Variants in PPP1R9A observed in about 807,000 individuals in gnomAD.
PPP1R9A encodes the protein neurabin-1.
PPP1R9A carries 59 observed loss-of-function variants against 141.9 expected under a neutral mutation model. The ratio of observed to expected loss-of-function variants is 0.42; its 90% CI spans 0.34 to 0.52. PPP1R9A has a LOEUF of 0.52. PPP1R9A is among the 20% of genes least tolerant of loss of function. The probability of loss-of-function intolerance (pLI) is 0.10; values close to 1 mark genes in which losing one functional copy is unlikely to be tolerated. For synonymous variants in PPP1R9A, 500 were observed against 569.7 expected, an observed-to-expected ratio of 0.88 and a Z score of 1.74; for missense variants, 1,444 against 1,611.9, an observed-to-expected ratio of 0.90 and a Z score of 1.78.
chr7:95,012,996 T>C (rs955837308), intron 2 of PPP1R9A, among the ~76,000 whole-genome samples: 2 of 152,054 alleles, frequency 1.3e-5, no homozygotes, highest in Non-Finnish European at 2.9e-5. Context: ...ATGTAGTAGG[T>C]TTTATTGAAG....
At chr7:95,160,113 A>G (rs1201890992) in intron 4 of PPP1R9A, among the ~76,000 whole-genome samples, 1 of 151,906 alleles carries the variant, frequency 6.6e-6, no homozygotes, top group Non-Finnish European at 1.5e-5. Context: ...TAGAAATGTA[A>G]AAGTATTATA....
chr7:94,940,357 AT>A (rs559142311), intron 2 of PPP1R9A, among the ~76,000 whole-genome samples: 2 of 150,754 alleles, frequency 1.3e-5, no homozygotes, highest in African/African-American at 2.4e-5. Context: ...TTTTCTTTTA[AT>A]TTTTTTTTAA....
At chr7:95,138,528 C>CT (rs1327326559) in intron 4 of PPP1R9A, among the ~76,000 whole-genome samples, 4 of 152,088 alleles carry the variant, frequency 2.6e-5, no homozygotes, top group African/African-American at 4.8e-5. Flanking sequence ...AGAAATTGAA[C>CT]TTCATTATAT....
chr7:95,257,831 G>A (rs1585498485), intron 12 of PPP1R9A, among the ~76,000 whole-genome samples: 1 of 151,994 alleles, frequency 6.6e-6, no homozygotes, highest in Admixed American at 6.6e-5. Context: ...CCATGTCCCT[G>A]CAAAGGACAT....
intron 2 of PPP1R9A, among the ~76,000 whole-genome samples, chr7:94,942,595 G>C (rs1373721130): frequency 6.6e-6 from 1 of 152,036 alleles, no homozygotes; most frequent in Non-Finnish European, 1.5e-5. Context: ...CTGAAGTCAG[G>C]AGTTCGAGGC....
At chr7:95,056,066 C>G (rs1049538725) in intron 2 of PPP1R9A, among the ~76,000 whole-genome samples, 1 of 152,070 alleles carries the variant, frequency 6.6e-6, no homozygotes, top group Non-Finnish European at 1.5e-5. Context: ...AGGCAAGACT[C>G]ATGTCTCATA....
In PPP1R9A at chr7:94,910,790, A is replaced by G. The variant is rs967746887; in HGVS notation, c.677A>G (p.Asn226Ser). 3.1e-6 allele frequency: 5 copies of G among 1,614,004 alleles called. No homozygotes were observed. Among genetic ancestry groups the G allele is most frequent in the Non-Finnish European group, 4.2e-6 (5 of 1,179,986 alleles). Residue 226 changes from asparagine (N) to serine (S), a missense_variant, in exon 2 of 20, where the codon AAT becomes AGT. Asn to Ser is a conservative substitution (Grantham distance 46). Around this residue, in one of 5 missense-constraint regions of PPP1R9A, gnomAD observed 490 missense variants for 521.1 expected, o/e 0.94. Coordinates refer to ENST00000433360, the MANE Select transcript of PPP1R9A (RefSeq NM_001166160.2). This position sits in a 1 kb window ranked among gnomAD's most constrained non-coding sequence, Gnocchi z 4.5. ...SAIISEKAENNEYSVTGHYPL... is the reference protein window; with the variant it reads ...SAIISEKAENSEYSVTGHYPL... ...ATCATTTCTGAGAAGGCTGAAAACAATGAATACTCAGTGACTGGGCATTAT... is the reference window on the plus strand; with the variant it reads ...ATCATTTCTGAGAAGGCTGAAAACAGTGAATACTCAGTGACTGGGCATTAT...
At chr7:94,998,609 C>G (rs1468398251) in intron 2 of PPP1R9A, among the ~76,000 whole-genome samples, 1 of 152,122 alleles carries the variant, frequency 6.6e-6, no homozygotes, top group Non-Finnish European at 1.5e-5. Context: ...CACATGGGCT[C>G]TGTTGTAACT....
intron 5 of PPP1R9A, among the ~76,000 whole-genome samples, chr7:95,191,825 T>A (rs1400801363): frequency 1.3e-5 from 2 of 151,980 alleles, no homozygotes; most frequent in African/African-American, 4.8e-5. Flanking sequence ...AGAAAAAAAT[T>A]TAGAATGTGA....
chr7:95,106,071 ATGGTG>A (rs986631002), intron 2 of PPP1R9A, among the ~76,000 whole-genome samples: 1 of 152,170 alleles, frequency 6.6e-6, no homozygotes, highest in African/African-American at 2.4e-5. Context: ...CCTGTGCAAT[ATGGTG>A]AGACCCCAAT....
chr7:95,003,252 G>A (rs2151541002), intron 2 of PPP1R9A, among the ~76,000 whole-genome samples: 1 of 152,162 alleles, frequency 6.6e-6, no homozygotes, highest in Non-Finnish European at 1.5e-5. Flanking sequence ...GGAAAAACTT[G>A]AATAATTATT....
intron 2 of PPP1R9A, among the ~76,000 whole-genome samples, chr7:94,966,650 T>C (rs1472833471): frequency 1.3e-5 from 2 of 152,230 alleles, no homozygotes; most frequent in African/African-American, 4.8e-5. Context: ...CAGCCTTGCA[T>C]CCCAGGGATG....
intron 2 of PPP1R9A, among the ~76,000 whole-genome samples, chr7:94,952,804 C>T (rs1209964704): frequency 1.3e-5 from 2 of 149,588 alleles, no homozygotes; most frequent in Non-Finnish European, 3.0e-5. Flanking sequence ...ATGGAGTTGT[C>T]TGTTTTTTTT....
At chr7:95,151,443 A>G (rs1323498633) in intron 4 of PPP1R9A, among the ~76,000 whole-genome samples, 2 of 152,270 alleles carry the variant, frequency 1.3e-5, no homozygotes, top group East Asian at 3.9e-4. Flanking sequence ...TAAAAAGATC[A>G]TTGTTTGCCG....
chr7:95,065,876 T>C (rs1024592827), intron 2 of PPP1R9A, among the ~76,000 whole-genome samples: 4 of 151,990 alleles, frequency 2.6e-5, no homozygotes, highest in Non-Finnish European at 5.9e-5. Flanking sequence ...GGAAAAAAAA[T>C]AGGCTTTTCC....
intron 2 of PPP1R9A, among the ~76,000 whole-genome samples, chr7:94,934,955 C>T (rs1393539779): frequency 2.6e-5 from 4 of 152,070 alleles, no homozygotes; most frequent in Non-Finnish European, 5.9e-5. Context: ...AACTCCTGGG[C>T]TCAAGTGATC....
intron 19 of PPP1R9A, 45 bp downstream of exon 19, chr7:95,288,763 A>G (rs1403107308): frequency 1.3e-6 from 2 of 1,588,096 alleles, no homozygotes; most frequent in Non-Finnish European, 1.7e-6. Context: ...TATAATTTGT[A>G]TTACTCATAT....
At chr7:95,257,307 G>C (rs1799724765) in intron 12 of PPP1R9A, among the ~76,000 whole-genome samples, 1 of 152,136 alleles carries the variant, frequency 6.6e-6, no homozygotes, top group Non-Finnish European at 1.5e-5. Context: ...ATGTCAGTTT[G>C]AGAATAATAC....
chr7:95,174,771 A>AT lies in PPP1R9A; in HGVS notation c.1754+12807dup, dbSNP rs1283171724. 5.3e-5 allele frequency among the ~76,000 whole-genome samples: 8 copies of AT among 152,138 alleles called. No individual in the cohort carries two copies. In the South Asian group the frequency reaches 1.0e-3, roughly 20 times the overall value. The stretch of plus-strand genomic sequence containing the variant: ...TTTTCTGTACAATTTCTTGCATCTA[A>AT]TTTTTTTATCAAACATGAATTTGCA... On this transcript the variant is annotated intron_variant, in intron 5 of 19. Transcript: ENST00000433360.
Sources: gnomAD v4.1 joint callset for allele counts (sites outside exome capture counted in the v4.1 genomes callset) on GRCh38, gnomAD v4.1.1 for gene constraint, gnomAD v4.1.1 regional missense constraint, Gnocchi (gnomAD v3.1) non-coding constraint, MANE v1.5 for transcripts, NCBI Gene and HGNC (gene_info 2026-07-23, HGNC 2026-07-21) for gene names.